The following SRCIN1 variants were observed in gnomAD, a reference collection of about 807,000 sequenced individuals.
SRCIN1 encodes the protein P130Cas-associated protein.
SRCIN1 carries 50 observed loss-of-function variants against 116.2 expected under a neutral mutation model. The observed-to-expected ratio is 0.43, with a 90% CI of 0.34 to 0.54. The LOEUF (loss-of-function observed/expected upper bound fraction) is 0.54, where lower values mean the gene tolerates loss of function less well. Ranked by LOEUF, SRCIN1 falls within the 20% of genes least tolerant of loss-of-function variation. SRCIN1 has a pLI of 0.02. For missense variants in SRCIN1, 1,446 were observed against 1,672.0 expected, an observed-to-expected ratio of 0.86 and a Z score of 2.36; for synonymous variants, 736 against 750.0, an observed-to-expected ratio of 0.98 and a Z score of 0.30.
In SRCIN1 at chr17:38,562,231, C is replaced by A. The variant is rs772927553; in HGVS notation, c.932G>T (p.Gly311Val). Residue 311 changes from glycine to valine, a missense_variant, in exon 7 of 19, where the codon GGG becomes GTG. Gly to Val is a moderately radical substitution (Grantham distance 109). Coordinates refer to ENST00000617146, the MANE Select transcript of SRCIN1 (RefSeq NM_025248.3). This position sits in a 1 kb window ranked among gnomAD's most constrained non-coding sequence, Gnocchi z 4.2. Reference protein sequence around the residue: ...PHLASGSPPPGLPSGLPSGLQ... With the variant: ...PHLASGSPPPVLPSGLPSGLQ... ...CCCGGACGGCAGCCCCGACGGCAGC[C>A]CGGGCGGCGGCGAGCCGGATGCCAG... 2 of 1,449,026 alleles carry A rather than the reference C, an allele frequency of 1.4e-6. No individual in the cohort carries two copies. Among genetic ancestry groups the A allele is most frequent in the South Asian group, 1.4e-5 (1 of 72,632 alleles). The allele number at this position is 1,449,026 out of a possible 1,614,324, so 89.8% of individuals were successfully genotyped here. A position where few individuals can be genotyped will look rare whatever the true frequency, so the allele number is the denominator to read the frequency against.
intron 1 of SRCIN1, among the ~76,000 whole-genome samples, chr17:38,582,543 G>A (rs1181088228): frequency 2.0e-5 from 3 of 152,324 alleles, no homozygotes; most frequent in South Asian, 2.1e-4. Flanking sequence ...CCTCCAGGCC[G>A]TCGCTCAGCC....
At chr17:38,571,951 T>TC (rs989644915) in intron 2 of SRCIN1, among the ~76,000 whole-genome samples, 5 of 151,952 alleles carry the variant, frequency 3.3e-5, no homozygotes, top group South Asian at 2.1e-4. Flanking sequence ...CTGCTGGTTT[T>TC]CCCCCCCTCG....
chr17:38,553,907 A>T (rs1401894369), intron 11 of SRCIN1, among the ~76,000 whole-genome samples: 4 of 152,096 alleles, frequency 2.6e-5, no homozygotes, highest in Non-Finnish European at 5.9e-5. Context: ...CTCGTCCAAA[A>T]AATAGGGATG....
At position 38,533,151 on chromosome 17, in the gene SRCIN1, C is replaced by A. The variant is rs2040947954; in HGVS notation, c.*146G>T. 3 of 781,260 alleles carry A rather than the reference C, an allele frequency of 3.8e-6. No homozygotes were observed. The highest frequency in any genetic ancestry group is 5.1e-6 in the Non-Finnish European group (3 of 584,366). The allele number at this position is 781,260 out of a possible 1,614,324, so 48.4% of individuals were successfully genotyped here. On this transcript the variant is annotated 3_prime_UTR_variant, in exon 19 of 19. Transcript: ENST00000617146. ...ACCAACAGATGATGGGTAGGGGTCG[C>A]TGAGGAGGGCCGCACCCTCCTCTTC...
chr17:38,552,867 G>A lies in SRCIN1; in HGVS notation c.2202-12C>T, dbSNP rs1309246604. The stretch of plus-strand genomic sequence containing the variant: ...ATTTCTCCAGGTCACTGCAGCCACA[G>A]AGAGACCCTTTCAGCCCTTTTGGCC... On this transcript the variant is annotated splice_polypyrimidine_tract_variant and intron_variant, in intron 11 of 18. Transcript: ENST00000617146. This position sits in a 1 kb window ranked among gnomAD's most constrained non-coding sequence, Gnocchi z 5.3. 2 of 1,611,978 alleles carry A rather than the reference G, an allele frequency of 1.2e-6. No individual in the cohort carries two copies. The highest frequency in any genetic ancestry group is 2.2e-5 in the East Asian group (1 of 44,848).
chr17:38,548,686 C>T lies in SRCIN1; in HGVS notation c.3141G>A (p.Glu1047=), dbSNP rs1905211403. The T allele has an allele frequency of 1.2e-6, 2 of 1,607,940 alleles. No individual in the cohort carries two copies. Among genetic ancestry groups the T allele is most frequent in the East Asian group, 4.5e-5 (2 of 44,858 alleles). The change falls in exon 17 of 19, where the codon GAG becomes GAA. Residue 1047 remains glutamate (E), a synonymous_variant. Coordinates refer to ENST00000617146, the MANE Select transcript of SRCIN1 (RefSeq NM_025248.3). ...GCAGCTTCACCTGGGGCTTCTGCAC[C>T]TCCAGCTCCTCGGACTCAGCCTTCT... ...FIKKAESEEL[E]VQKPQVKLRR... is the part of the protein sequence containing the mutation.
At chr17:38,573,668 C>T (rs967881239) in intron 2 of SRCIN1, among the ~76,000 whole-genome samples, 9 of 152,256 alleles carry the variant, frequency 5.9e-5, no homozygotes, top group African/African-American at 2.2e-4. Flanking sequence ...CCAAGATGCT[C>T]CATCTGGGGA....
Position 38,568,732 on chromosome 17 carries a change from G to A in SRCIN1, c.325-501C>T, listed in dbSNP as rs1381053731. Among the ~76,000 whole-genome samples, 1 of 152,108 alleles carries A rather than the reference G, an allele frequency of 6.6e-6. No individual in the cohort carries two copies. The highest frequency in any genetic ancestry group is 1.5e-5 in the Non-Finnish European group (1 of 68,038). On this transcript the variant is annotated intron_variant, in intron 2 of 18. Transcript: ENST00000617146. The surrounding 1 kb of genome is among the most constrained non-coding windows in gnomAD (Gnocchi z 4.5). ...GTCACTAGTCCACATTGGCTGGGGC[G>A]CAGCTGGGAAAGTAGCAGATTAGGC...
Position 38,561,866 on chromosome 17 carries a change from G to C in SRCIN1, c.1297C>G (p.Arg433Gly). Residue 433 changes from arginine to glycine, a missense_variant, in exon 7 of 19, where the codon CGC (arginine) becomes GGC (glycine). Around this residue, in one of 5 missense-constraint regions of SRCIN1, gnomAD observed 239 missense variants for 317.7 expected, o/e 0.75. Transcript: ENST00000617146. ...GCGGCCGAGTAGGTGCTGAGCGAGC[G>C]CACCGAGCCGCGCTTGTAGAGGCCG... is the stretch of plus-strand genomic sequence containing the variant. ...AGGLYKRGSV[R>G]SLSTYSAAAL... 6.9e-7 allele frequency: 1 copy of C among 1,441,634 alleles called. No individual in the cohort carries two copies. Among genetic ancestry groups the C allele is most frequent in the African/African-American group, 1.5e-5 (1 of 65,834 alleles). 89.3% of individuals were successfully genotyped at this position (1,441,634 alleles called of 1,614,324 possible).
chr17:38,559,885 C>T (rs768373412), intron 9 of SRCIN1, 113 bp from the exon 10 acceptor site: 11 of 1,395,558 alleles, frequency 7.9e-6, no homozygotes, highest in East Asian at 2.5e-5. Flanking sequence ...CAGAGAAGCC[C>T]GTGGCTCTAC....
At position 38,568,936 on chromosome 17, in the gene SRCIN1, G is replaced by C. The variant is rs1211019613; in HGVS notation, c.325-705C>G. On this transcript the variant is annotated intron_variant, in intron 2 of 18. Coordinates refer to ENST00000617146, the MANE Select transcript of SRCIN1 (RefSeq NM_025248.3). The surrounding 1 kb of genome is among the most constrained non-coding windows in gnomAD (Gnocchi z 4.5). ...GTGGATCAGGATGGATGGGGCAGGG[G>C]TCGGAGGAGGGGGGCTGGGGCCCAA... Among the ~76,000 whole-genome samples, 1 of 151,736 alleles carries C rather than the reference G, an allele frequency of 6.6e-6. No homozygotes were observed. Among genetic ancestry groups the C allele is most frequent in the African/African-American group, 2.4e-5 (1 of 41,284 alleles).
chr17:38,567,188 A>G (rs540316707), intron 3 of SRCIN1, among the ~76,000 whole-genome samples: 1 of 152,346 alleles, frequency 6.6e-6, no homozygotes, highest in East Asian at 1.9e-4. Context: ...TACAGGCGTG[A>G]GCCAGCACAT....
Position 38,561,787 on chromosome 17 carries a change from C to T in SRCIN1, c.1376G>A (p.Gly459Asp). 2.0e-6 allele frequency: 3 copies of T among 1,480,206 alleles called. No individual in the cohort carries two copies. The highest frequency in any genetic ancestry group is 2.6e-5 in the South Asian group (2 of 77,132). 91.7% of individuals were successfully genotyped at this position (1,480,206 alleles called of 1,614,324 possible). The stretch of plus-strand genomic sequence containing the variant: ...GCCGTAGCCGTCGCCGTACAGCGGG[C>T]CGCCGCCGCCCGCCGCCTTGTACAG... ...DSLYKAAGGG[G>D]PLYGDGYGFR... is the part of the protein sequence containing the mutation. Residue 459 changes from glycine (G) to aspartate (D), a missense_variant, in exon 7 of 19, where the codon GGC becomes GAC. Transcript: ENST00000617146.
intron 1 of SRCIN1, among the ~76,000 whole-genome samples, chr17:38,587,495 A>G (rs1908177088): frequency 6.6e-6 from 1 of 152,002 alleles, no homozygotes; most frequent in Admixed American, 6.5e-5. Context: ...TGCCTTTCCT[A>G]GGCAGGAAAC....
intron 1 of SRCIN1, among the ~76,000 whole-genome samples, chr17:38,591,141 C>A (rs1355166235): frequency 6.6e-6 from 1 of 152,256 alleles, no homozygotes; most frequent in Non-Finnish European, 1.5e-5. Flanking sequence ...GCCCCTGCCA[C>A]AGGCTGTGCA....
At chr17:38,543,687 T>G in intron 18 of SRCIN1, 136 bp downstream of exon 18, 2 of 1,308,804 alleles carry the variant, frequency 1.5e-6, no homozygotes, top group Non-Finnish European at 2.0e-6. Context: ...GGTGGGGCAG[T>G]CCTGGCAGGG....
rs1344089409 is a variant in SRCIN1, at chr17:38,568,755, G to A, written c.325-524C>T. Among the ~76,000 whole-genome samples the A allele has an allele frequency of 3.3e-5, 5 of 152,114 alleles. No individual in the cohort carries two copies. The highest frequency in any genetic ancestry group is 2.0e-4 in the Admixed American group (3 of 15,268). ...GCGCAGCTGGGAAAGTAGCAGATTA[G>A]GCTGCAAAGGGTGGGAAGTGGGAGG... On this transcript the variant is annotated intron_variant, in intron 2 of 18. Coordinates refer to ENST00000617146, the MANE Select transcript of SRCIN1 (RefSeq NM_025248.3). The surrounding 1 kb of genome is among the most constrained non-coding windows in gnomAD (Gnocchi z 4.5).
Position 38,533,438 on chromosome 17 carries a change from C to T in SRCIN1, c.3418-7G>A, listed in dbSNP as rs756956641. 2.5e-6 allele frequency: 4 copies of T among 1,611,138 alleles called. No individual in the cohort carries two copies. Among genetic ancestry groups the T allele is most frequent in the Non-Finnish European group, 3.4e-6 (4 of 1,178,962 alleles). ...CTTTAGATGGTTTAGTGGCCTGGAA[C>T]AAAAACAGGGGTCAGGGGTCAGAGA... is the stretch of plus-strand genomic sequence containing the variant. On this transcript the variant is annotated splice_polypyrimidine_tract_variant and splice_region_variant and intron_variant, in intron 18 of 18. Transcript: ENST00000617146.
rs563997110 is a variant in SRCIN1, at chr17:38,568,154, G to C, written c.345+57C>G. 8 of 1,601,806 alleles carry C rather than the reference G, an allele frequency of 5.0e-6. No individual in the cohort carries two copies. In the East Asian group the frequency reaches 1.8e-4, roughly 36 times the overall value. ...AAAGCCTGTGCAAGGGAGAGGCAGG[G>C]GCAGGGGAGGGAGAGCACATGCAGT... On this transcript the variant is annotated intron_variant, in intron 3 of 18. Coordinates refer to ENST00000617146, the MANE Select transcript of SRCIN1 (RefSeq NM_025248.3). The surrounding 1 kb of genome is among the most constrained non-coding windows in gnomAD (Gnocchi z 4.5).
Sources: allele counts gnomAD v4.1 joint callset (sites outside exome capture counted in the v4.1 genomes callset), GRCh38; gene constraint gnomAD v4.1.1; regional missense constraint gnomAD v4.1.1; non-coding constraint Gnocchi (gnomAD v3.1); transcripts MANE v1.5; gene names NCBI Gene and HGNC (gene_info 2026-07-23, HGNC 2026-07-21).